LEKR1: variants seen among roughly 807,000 people sequenced by gnomAD.
The protein encoded by LEKR1 is leucine, glutamate and lysine rich 1, also known as protein LEKR1.
Under a neutral mutation model 72.4 loss-of-function variants are expected in LEKR1, and 59 were observed. That is an observed-to-expected ratio of 0.82 (90% confidence interval 0.66 to 1.01). The LOEUF (loss-of-function observed/expected upper bound fraction) is 1.01. LEKR1 is among the 50% of genes least tolerant of loss of function. The probability of loss-of-function intolerance (pLI) is 0.00; values close to 1 mark genes in which losing one functional copy is unlikely to be tolerated. For missense variants in LEKR1, 728 were observed against 759.2 expected, an observed-to-expected ratio of 0.96 and a Z score of 0.48; for synonymous variants, 257 against 263.2, an observed-to-expected ratio of 0.98 and a Z score of 0.23.
At chr3:156,930,653 A>G (rs1360359600) in intron 5 of LEKR1, among the ~76,000 whole-genome samples, 1 of 152,198 alleles carries the variant, frequency 6.6e-6, no homozygotes, top group African/African-American at 2.4e-5. Flanking sequence ...AATCCAAAAA[A>G]TGGCATTTTA....
chr3:157,040,580 A>G (rs73873777), intron 12 of LEKR1, among the ~76,000 whole-genome samples: 4,162 of 152,242 alleles, frequency 0.027, 133 homozygotes, highest in East Asian at 0.1. Flanking sequence ...GGAAGCTGGG[A>G]ACATCCTTTG....
At chr3:157,021,841 TTAA>T (rs1465056738) in intron 10 of LEKR1, among the ~76,000 whole-genome samples, 1 of 152,118 alleles carries the variant, frequency 6.6e-6, no homozygotes, top group Non-Finnish European at 1.5e-5. Flanking sequence ...TTGATTACTA[TTAA>T]TATTTAAGAA....
chr3:156,999,303 T>G (rs1259768211), intron 9 of LEKR1, among the ~76,000 whole-genome samples: 3 of 152,186 alleles, frequency 2.0e-5, no homozygotes, highest in Admixed American at 6.5e-5. Context: ...TTCAAGAGGT[T>G]TGTAGTCTCC....
chr3:156,826,966 T>G (rs1281991791), intron 1 of LEKR1: 2 of 155,288 alleles, frequency 1.3e-5, no homozygotes, highest in African/African-American at 4.8e-5. Flanking sequence ...AAAATGTCTT[T>G]TCGGTGATCT....
At chr3:157,016,355 G>C (rs1733332314) in intron 10 of LEKR1, among the ~76,000 whole-genome samples, 2 of 152,086 alleles carry the variant, frequency 1.3e-5, no homozygotes, top group Admixed American at 6.6e-5. Context: ...CTTATATAGA[G>C]AGGAAAGGAG....
At chr3:156,867,685 T>C (rs1717473092) in intron 3 of LEKR1, among the ~76,000 whole-genome samples, 1 of 152,050 alleles carries the variant, frequency 6.6e-6, no homozygotes, top group Non-Finnish European at 1.5e-5. Flanking sequence ...AGGTATATAC[T>C]GTCTTATTTT....
intron 2 of LEKR1, among the ~76,000 whole-genome samples, chr3:156,842,028 G>T (rs933940926): frequency 6.6e-6 from 1 of 152,186 alleles, no homozygotes; most frequent in Admixed American, 6.5e-5. Context: ...GTTCTAGGTT[G>T]TGTGCTGCTT....
chr3:156,964,119 T>C (rs1423068441), intron 6 of LEKR1, among the ~76,000 whole-genome samples: 3 of 152,194 alleles, frequency 2.0e-5, no homozygotes, highest in South Asian at 2.1e-4. Flanking sequence ...TGTTTTCCCT[T>C]ACCAAAATAA....
At chr3:156,986,720 T>G (rs1487298365) in intron 7 of LEKR1, among the ~76,000 whole-genome samples, 1 of 152,196 alleles carries the variant, frequency 6.6e-6, no homozygotes, top group Non-Finnish European at 1.5e-5. Context: ...TTCTCTTTGG[T>G]CTCAGTTCCC....
At chr3:156,833,589 A>G (rs557414048) in intron 2 of LEKR1, among the ~76,000 whole-genome samples, 3 of 152,202 alleles carry the variant, frequency 2.0e-5, no homozygotes, top group Non-Finnish European at 4.4e-5. Flanking sequence ...AAAGAAAGCC[A>G]AATACCAATT....
intron 5 of LEKR1, among the ~76,000 whole-genome samples, chr3:156,933,527 T>C (rs1226578299): frequency 6.6e-6 from 1 of 152,184 alleles, no homozygotes; most frequent in African/African-American, 2.4e-5. Flanking sequence ...AAGATATGAA[T>C]GTACATGTAA....
intron 6 of LEKR1, among the ~76,000 whole-genome samples, chr3:156,954,272 C>G (rs191314756): frequency 5.7e-4 from 87 of 151,948 alleles, no homozygotes; most frequent in Non-Finnish European, 1.2e-3. Context: ...ACACTTTTGC[C>G]AAATGGATAG....
At chr3:156,903,892 G>T (rs1722274944) in intron 3 of LEKR1, among the ~76,000 whole-genome samples, 1 of 152,172 alleles carries the variant, frequency 6.6e-6, no homozygotes, top group Non-Finnish European at 1.5e-5. Flanking sequence ...CACTTAGCCA[G>T]CTGGGTTGGG....
chr3:156,944,366 T>A (rs553910043), intron 6 of LEKR1, among the ~76,000 whole-genome samples: 1 of 151,978 alleles, frequency 6.6e-6, no homozygotes, highest in African/African-American at 2.4e-5. Context: ...TCACGGTAAA[T>A]GAGGTGTCCT....
chr3:156,880,965 A>C (rs1051501367), intron 3 of LEKR1, among the ~76,000 whole-genome samples: 2 of 152,070 alleles, frequency 1.3e-5, no homozygotes, highest in African/African-American at 4.8e-5. Context: ...CATGCTAAAA[A>C]CTCTCAATAA....
intron 3 of LEKR1, among the ~76,000 whole-genome samples, chr3:156,856,075 A>C (rs1321581185): frequency 2.3e-5 from 3 of 132,852 alleles, no homozygotes; most frequent in East Asian, 3.8e-4. Flanking sequence ...AAGTAGAAAC[A>C]ACAACATATG....
intron 12 of LEKR1, among the ~76,000 whole-genome samples, chr3:157,039,868 C>T (rs896759884): frequency 6.6e-6 from 1 of 152,088 alleles, no homozygotes; most frequent in African/African-American, 2.4e-5. Flanking sequence ...AAGTAAATTA[C>T]CAAAAAGTAG....
At chr3:156,841,246 G>C (rs1199264927) in intron 2 of LEKR1, among the ~76,000 whole-genome samples, 1 of 152,212 alleles carries the variant, frequency 6.6e-6, no homozygotes, top group Non-Finnish European at 1.5e-5. Context: ...CTAGGCCAAA[G>C]GAACAGAAGC....
intron 9 of LEKR1, among the ~76,000 whole-genome samples, chr3:157,008,761 T>C (rs1732661922): frequency 1.3e-5 from 2 of 152,366 alleles, no homozygotes; most frequent in South Asian, 2.1e-4. Flanking sequence ...GTATTTTATC[T>C]TCACATAAAT....
Sources: allele counts gnomAD v4.1 joint callset (sites outside exome capture counted in the v4.1 genomes callset), GRCh38; gene constraint gnomAD v4.1.1; transcripts MANE v1.5; gene names NCBI Gene and HGNC (gene_info 2026-07-23, HGNC 2026-07-21).